BMPR1B: variants seen among roughly 807,000 people sequenced by gnomAD.
BMPR1B encodes the protein bone morphogenetic protein receptor type-1B.
In BMPR1B, 12 loss-of-function variants were observed where a neutral mutation model predicts 59.1. The ratio of observed to expected loss-of-function variants is 0.20; its 90% CI spans 0.13 to 0.33. The LOEUF is 0.33. Among genes scored for constraint, BMPR1B ranks in the 10% least tolerant of loss-of-function variants. BMPR1B has a pLI of 1.00. For missense variants in BMPR1B, 550 were observed against 610.9 expected, an observed-to-expected ratio of 0.90 and a Z score of 1.05; for synonymous variants, 237 against 207.3, an observed-to-expected ratio of 1.14 and a Z score of -1.23.
rs538250327 is a variant in BMPR1B at position 95,144,717 on chromosome 4, T to C, written c.1077-4031T>C. Among the ~76,000 whole-genome samples, 9 of 152,326 alleles carry C rather than the reference T, an allele frequency of 5.9e-5. No individual in the cohort carries two copies. The South Asian group carries it at 1.2e-3, about 21-fold the overall frequency. The stretch of plus-strand genomic sequence containing the variant: ...AAAAGGGCAAAATTGTCTACTCTTA[T>C]AATTCTCTGAACCCTACTCTTAATA... On this transcript the variant is annotated intron_variant, in intron 10 of 12. Coordinates refer to ENST00000515059, the MANE Select transcript of BMPR1B (RefSeq NM_001203.3).
At chr4:95,026,164 CTTTTT>C (rs1724401789) in intron 3 of BMPR1B, among the ~76,000 whole-genome samples, 1 of 10,730 alleles carries the variant, frequency 9.3e-5, no homozygotes, top group Non-Finnish European at 2.6e-4. Context: ...CTTTCTTTCT[CTTTTT>C]CTCTTTCTGT....
chr4:95,081,813 T>G (rs921880170), intron 3 of BMPR1B, among the ~76,000 whole-genome samples: 2 of 152,188 alleles, frequency 1.3e-5, no homozygotes, highest in Non-Finnish European at 2.9e-5. Flanking sequence ...TTATTCTTAA[T>G]ATGTCAATCA....
intron 3 of BMPR1B, among the ~76,000 whole-genome samples, chr4:95,101,713 A>C (rs1730834414): frequency 6.6e-6 from 1 of 152,180 alleles, no homozygotes; most frequent in Non-Finnish European, 1.5e-5. Flanking sequence ...CAAGATGTGC[A>C]TCTAACTTTC....
intron 3 of BMPR1B, among the ~76,000 whole-genome samples, chr4:95,072,172 T>G (rs2149221278): frequency 6.6e-6 from 1 of 152,252 alleles, no homozygotes; most frequent in South Asian, 2.1e-4. Flanking sequence ...GCTCTCTTAC[T>G]TTGAGAAAGG....
At chr4:95,048,827 A>G (rs778560124) in intron 3 of BMPR1B, among the ~76,000 whole-genome samples, 32 of 152,320 alleles carry the variant, frequency 2.1e-4, no homozygotes, top group Middle Eastern at 6.8e-3. Context: ...TTTGATCTAC[A>G]TAGTAAGTTT....
intron 3 of BMPR1B, among the ~76,000 whole-genome samples, chr4:95,082,785 T>C (rs1487661129): frequency 6.6e-6 from 1 of 152,076 alleles, no homozygotes; most frequent in Non-Finnish European, 1.5e-5. Context: ...ACGCCTGTAA[T>C]CCCAGCACTT....
intron 2 of BMPR1B, among the ~76,000 whole-genome samples, chr4:94,925,007 C>G (rs2149028337): frequency 1.3e-5 from 2 of 152,224 alleles, no homozygotes; most frequent in Non-Finnish European, 2.9e-5. Flanking sequence ...ACTGTAGTTT[C>G]CTCACCTATT....
At chr4:94,788,981 C>T (rs1408311666) in intron 1 of BMPR1B, among the ~76,000 whole-genome samples, 5 of 152,208 alleles carry the variant, frequency 3.3e-5, no homozygotes, top group African/African-American at 1.2e-4. Flanking sequence ...TGATGAAGGC[C>T]TGGCCTTTGC....
chr4:95,123,285 C>T lies in BMPR1B; in HGVS notation c.350-525C>T, dbSNP rs151090381. Reference sequence around the variant, plus strand: ...CATTTTTGTTTAAAACAACGCACAACCATATATTCTCTATTTGGCAACATT... The same window carrying T: ...CATTTTTGTTTAAAACAACGCACAATCATATATTCTCTATTTGGCAACATT... On this transcript the variant is annotated intron_variant, in intron 6 of 12. Coordinates refer to ENST00000515059, the MANE Select transcript of BMPR1B (RefSeq NM_001203.3). Among the ~76,000 whole-genome samples, 260 of 152,182 alleles carry T rather than the reference C, an allele frequency of 1.7e-3. 1 individual carries two copies. Among genetic ancestry groups the T allele is most frequent in the African/African-American group, 6.1e-3 (253 of 41,508 alleles).
rs556662301 is a variant in BMPR1B, at chr4:94,990,684, T to TGTC, written c.-112-5354_-112-5353insCGT. On this transcript the variant is annotated intron_variant, in intron 2 of 12. Transcript: ENST00000515059. Reference sequence around the variant, plus strand: ...CTATGCTGGAATGAGGTTTTGTTGTTGTTGTTGTTGTTGTTGTTGTTTTTT... The same window carrying TGTC: ...CTATGCTGGAATGAGGTTTTGTTGTTGTCGTTGTTGTTGTTGTTGTTGTTTTTT... Among the ~76,000 whole-genome samples, 415 of 151,670 alleles carry TGTC rather than the reference T, an allele frequency of 2.7e-3. 2 individuals are homozygous for TGTC. The highest frequency in any genetic ancestry group is 4.5e-3 in the Non-Finnish European group (305 of 67,824).
rs115639899 is a variant in BMPR1B, at chr4:94,804,296, T to G, written c.-183+46228T>G. ...CTTGTAGGATTGATGAATAGGAAGT[T>G]TAAAATTATTCATTTTAAAATGGGA... On this transcript the variant is annotated intron_variant, in intron 1 of 12. Transcript: ENST00000515059. Among the ~76,000 whole-genome samples, 854 of 152,328 alleles carry G rather than the reference T, an allele frequency of 5.6e-3. 5 individuals are homozygous for G. Among genetic ancestry groups the G allele is most frequent in the African/African-American group, 0.019 (802 of 41,564 alleles).
At chr4:95,133,835 G>A (rs1161642720) in intron 10 of BMPR1B, among the ~76,000 whole-genome samples, 5 of 149,962 alleles carry the variant, frequency 3.3e-5, no homozygotes, top group African/African-American at 2.4e-5. Context: ...CTCCCAAAAC[G>A]CTGGGATTAT....
chr4:94,931,948 A>G (rs1458885213), intron 2 of BMPR1B, among the ~76,000 whole-genome samples: 1 of 152,090 alleles, frequency 6.6e-6, no homozygotes. Context: ...CAGAAGTTTA[A>G]TGATTCTTAA....
Position 94,967,984 on chromosome 4 carries a change from G to T in BMPR1B, c.-112-28056G>T, listed in dbSNP as rs377405670. On this transcript the variant is annotated intron_variant, in intron 2 of 12. Coordinates refer to ENST00000515059, the MANE Select transcript of BMPR1B (RefSeq NM_001203.3). ...ACCATTTTCTTTATCTCACTTTGAG[G>T]TTATCTTCTTGAAGGCAGTGATAAT... Among the ~76,000 whole-genome samples, 5 of 152,162 alleles carry T rather than the reference G, an allele frequency of 3.3e-5. No homozygotes were observed. The South Asian group carries it at 6.2e-4, about 19-fold the overall frequency.
At chr4:94,896,791 G>T (rs555281417) in intron 2 of BMPR1B, among the ~76,000 whole-genome samples, 1 of 151,940 alleles carries the variant, frequency 6.6e-6, no homozygotes, top group Non-Finnish European at 1.5e-5. Flanking sequence ...TTTAGAAAAT[G>T]ATTAAGTGCC....
intron 1 of BMPR1B, among the ~76,000 whole-genome samples, chr4:94,858,006 C>T (rs1056863482): frequency 3.9e-5 from 6 of 152,030 alleles, no homozygotes; most frequent in Non-Finnish European, 7.4e-5. Flanking sequence ...AGTGCAGTGG[C>T]GCAATCTTGG....
At chr4:95,030,599 A>T (rs1307408728) in intron 3 of BMPR1B, among the ~76,000 whole-genome samples, 1 of 152,078 alleles carries the variant, frequency 6.6e-6, no homozygotes, top group Non-Finnish European at 1.5e-5. Flanking sequence ...TGCAGATGAC[A>T]TGATTGTATA....
intron 2 of BMPR1B, among the ~76,000 whole-genome samples, chr4:94,911,998 C>T (rs1240791371): frequency 3.9e-5 from 6 of 152,072 alleles, no homozygotes; most frequent in Non-Finnish European, 8.8e-5. Context: ...ACTTACAGTT[C>T]CATGTGGCTA....
chr4:95,039,756 G>A (rs1725519413), intron 3 of BMPR1B, among the ~76,000 whole-genome samples: 1 of 152,060 alleles, frequency 6.6e-6, no homozygotes, highest in South Asian at 2.1e-4. Flanking sequence ...AACATTATGA[G>A]ATTTTTTTTG....
Sources: allele counts gnomAD v4.1 joint callset (sites outside exome capture counted in the v4.1 genomes callset), GRCh38; gene constraint gnomAD v4.1.1; transcripts MANE v1.5; gene names NCBI Gene and HGNC (gene_info 2026-07-23, HGNC 2026-07-21).